TYW1B: variants seen among roughly 807,000 people sequenced by gnomAD.
TYW1B encodes S-adenosyl-L-methionine-dependent tRNA 4-demethylwyosine synthase TYW1B.
TYW1B carries 73 observed loss-of-function variants against 86.9 expected under a neutral mutation model. The observed-to-expected ratio is 0.84, with a 90% CI of 0.70 to 1.02. The LOEUF is 1.02. Among genes scored for constraint, TYW1B ranks in the 50% least tolerant of loss-of-function variants. The probability of loss-of-function intolerance (pLI) is 0.00; values close to 1 mark genes in which losing one functional copy is unlikely to be tolerated. For synonymous variants in TYW1B, 248 were observed against 292.8 expected (o/e 0.85, Z 1.56); for missense variants, 637 against 827.4 (o/e 0.77, Z 2.82).
At chr7:72,733,519 G>T (rs531227565) in intron 8 of TYW1B, among the ~76,000 whole-genome samples, 1 of 152,196 alleles carries the variant, frequency 6.6e-6, no homozygotes, top group East Asian at 1.9e-4. Context: ...AAATTAGCCG[G>T]GCATGGTGGC....
chr7:72,807,945 G>A (rs1489573035), intron 4 of TYW1B, among the ~76,000 whole-genome samples: 4 of 152,058 alleles, frequency 2.6e-5, no homozygotes, highest in Admixed American at 2.6e-4. Flanking sequence ...AGTGTCTCAC[G>A]TCTGTAATCC....
chr7:72,717,018 T>C (rs3132428), intron 9 of TYW1B, among the ~76,000 whole-genome samples: 121,804 of 151,578 alleles, frequency 0.8, 49,429 homozygotes, highest in Middle Eastern at 0.87. Context: ...GCATGCAGTT[T>C]GGCTGGGCAC....
chr7:72,661,585 A>T (rs1403161124), intron 11 of TYW1B, among the ~76,000 whole-genome samples: 1 of 147,902 alleles, frequency 6.8e-6, no homozygotes, highest in African/African-American at 2.5e-5. Context: ...AAATGTTACT[A>T]ATATTCTCTA....
At chr7:72,694,863 T>C in intron 10 of TYW1B, 41 bp from the exon 11 acceptor site, 3 of 1,580,846 alleles carry the variant, frequency 1.9e-6, no homozygotes, top group Admixed American at 2.0e-5. Context: ...GAAAAATTAT[T>C]CCTCTATCAG....
At chr7:72,589,231 C>T (rs1265639790) in intron 13 of TYW1B, among the ~76,000 whole-genome samples, 5 of 152,162 alleles carry the variant, frequency 3.3e-5, no homozygotes, top group African/African-American at 7.2e-5. Flanking sequence ...GTGCTTACCA[C>T]GGTAACCTTA....
chr7:72,673,899 C>G (rs1447731029), intron 11 of TYW1B, among the ~76,000 whole-genome samples: 1 of 152,120 alleles, frequency 6.6e-6, no homozygotes, highest in African/African-American at 2.4e-5. Context: ...ACCCACAAAA[C>G]TTAAATTTAA....
intron 11 of TYW1B, among the ~76,000 whole-genome samples, chr7:72,653,407 C>T (rs1420615110): frequency 1.3e-5 from 2 of 151,884 alleles, no homozygotes; most frequent in Non-Finnish European, 2.9e-5. Context: ...GAGATCGAGA[C>T]CATCCTGGCT....
At chr7:72,696,794 TA>T (rs1554451588) in intron 10 of TYW1B, among the ~76,000 whole-genome samples, 1 of 152,158 alleles carries the variant, frequency 6.6e-6, no homozygotes, top group South Asian at 2.1e-4. Flanking sequence ...TGACCAAATG[TA>T]GGACAGAGGT....
chr7:72,711,873 C>A, intron 10 of TYW1B, among the ~76,000 whole-genome samples: 1 of 149,692 alleles, frequency 6.7e-6, no homozygotes, highest in East Asian at 1.9e-4. Context: ...TTTCCTATTT[C>A]CCCAATATTT....
intron 11 of TYW1B, among the ~76,000 whole-genome samples, chr7:72,676,065 CTG>C (rs1240946871): frequency 3.7e-4 from 57 of 152,260 alleles, no homozygotes; most frequent in African/African-American, 1.4e-3. Flanking sequence ...GGTTAACAAA[CTG>C]AAGCTCTTTG....
intron 2 of TYW1B, among the ~76,000 whole-genome samples, chr7:72,824,163 C>G (rs1300258326): frequency 6.6e-6 from 1 of 151,984 alleles, no homozygotes; most frequent in Non-Finnish European, 1.5e-5. Context: ...GTAGTGAAAA[C>G]CTAAGAAGTA....
At chr7:72,694,662 A>G in intron 11 of TYW1B, 25 bp downstream of exon 11, 1 of 1,587,336 alleles carries the variant, frequency 6.3e-7, no homozygotes, top group Non-Finnish European at 8.5e-7. Flanking sequence ...TTGTTTATTT[A>G]TTTTTAAGAT....
At chr7:72,659,139 G>T (rs1166242039) in intron 11 of TYW1B, among the ~76,000 whole-genome samples, 1 of 152,218 alleles carries the variant, frequency 6.6e-6, no homozygotes, top group Non-Finnish European at 1.5e-5. Flanking sequence ...GGCTAAATGT[G>T]ACAAGAACAG....
intron 2 of TYW1B, among the ~76,000 whole-genome samples, chr7:72,818,571 T>TC (rs1418894877): frequency 1.1e-5 from 1 of 92,450 alleles, no homozygotes; most frequent in African/African-American, 4.9e-5. Flanking sequence ...TAAGCGAGAC[T>TC]CCATCTCAAA....
At chr7:72,658,540 A>G (rs2129569393) in intron 11 of TYW1B, among the ~76,000 whole-genome samples, 1 of 152,306 alleles carries the variant, frequency 6.6e-6, no homozygotes, top group South Asian at 2.1e-4. Flanking sequence ...CGGGAAGGAA[A>G]TGGGGGTCCA....
chr7:72,741,583 A>T (rs1787305478), intron 8 of TYW1B, among the ~76,000 whole-genome samples: 1 of 152,190 alleles, frequency 6.6e-6, no homozygotes, highest in African/African-American at 2.4e-5. Flanking sequence ...AGAAATAATT[A>T]TTGAAAAATT....
At chr7:72,716,710 C>A (rs562933755) in intron 9 of TYW1B, among the ~76,000 whole-genome samples, 2 of 152,158 alleles carry the variant, frequency 1.3e-5, no homozygotes, top group Admixed American at 6.5e-5. Flanking sequence ...ATGATCTCAG[C>A]TCACTGCAAC....
At chr7:72,697,598 T>C (rs1554451727) in intron 10 of TYW1B, among the ~76,000 whole-genome samples, 1 of 152,194 alleles carries the variant, frequency 6.6e-6, no homozygotes, top group Non-Finnish European at 1.5e-5. Flanking sequence ...CTCTATTCTA[T>C]ACAGGATAAC....
At chr7:72,575,786 T>C in intron 13 of TYW1B, 67 bp from the exon 14 acceptor site, 1 of 1,580,108 alleles carries the variant, frequency 6.3e-7, no homozygotes, top group East Asian at 2.2e-5. Context: ...TGAATGTTTT[T>C]AAAAATCATG....
Sources: gnomAD v4.1 joint callset for allele counts (sites outside exome capture counted in the v4.1 genomes callset) on GRCh38, gnomAD v4.1.1 for gene constraint, MANE v1.5 for transcripts, NCBI Gene and HGNC (gene_info 2026-07-23, HGNC 2026-07-21) for gene names.